Variants in MCC observed in about 807,000 individuals in gnomAD.
The protein encoded by MCC is colorectal mutant cancer protein.
Under a neutral mutation model 116.2 loss-of-function variants are expected in MCC, and 90 were observed. The ratio of observed to expected loss-of-function variants is 0.77; its 90% confidence interval spans 0.65 to 0.92. The LOEUF (loss-of-function observed/expected upper bound fraction) is 0.92. MCC is among the 40% of genes least tolerant of loss of function. The pLI, the probability that MCC is intolerant of heterozygous loss-of-function variation, is 0.00. For synonymous variants in MCC, 578 were observed against 510.5 expected (o/e 1.13, Z -1.78); for missense variants, 1,516 against 1,312.2 (o/e 1.16, Z -2.40).
intron 6 of MCC, among the ~76,000 whole-genome samples, chr5:113,114,100 T>C (rs965903576): frequency 2.6e-5 from 4 of 151,938 alleles, no homozygotes; most frequent in African/African-American, 7.3e-5. Flanking sequence ...AAAAAACGTA[T>C]ACACAAACAC....
intron 3 of MCC, among the ~76,000 whole-genome samples, chr5:113,221,740 A>G (rs1763558551): frequency 6.6e-6 from 1 of 152,080 alleles, no homozygotes; most frequent in Non-Finnish European, 1.5e-5. Context: ...GTCAGCTTCA[A>G]CTCCCTATGA....
intron 1 of MCC, among the ~76,000 whole-genome samples, chr5:113,455,396 A>C (rs1294636257): frequency 6.6e-6 from 1 of 151,108 alleles, no homozygotes; most frequent in Non-Finnish European, 1.5e-5. Flanking sequence ...CACCACCACC[A>C]CCCCACCTGC....
intron 3 of MCC, among the ~76,000 whole-genome samples, chr5:113,188,715 A>T (rs1416026951): frequency 6.6e-6 from 1 of 152,150 alleles, no homozygotes; most frequent in Non-Finnish European, 1.5e-5. Flanking sequence ...TTTAAAGTAG[A>T]TGCTGTTGAT....
intron 16 of MCC, 75 bp from the exon 17 acceptor site, chr5:113,043,705 G>A (rs1160194311): frequency 2.5e-5 from 27 of 1,063,412 alleles, no homozygotes; most frequent in East Asian, 5.0e-5. Flanking sequence ...AGCAGAGCGC[G>A]GTAGGTGGCT....
intron 13 of MCC, among the ~76,000 whole-genome samples, chr5:113,066,997 T>G (rs1172402963): frequency 1.3e-5 from 2 of 152,194 alleles, no homozygotes; most frequent in Non-Finnish European, 2.9e-5. Context: ...TCCTTGGGTC[T>G]CTCTTTCCTC....
chr5:113,106,955 C>G (rs1256393596), intron 6 of MCC, among the ~76,000 whole-genome samples: 7 of 152,174 alleles, frequency 4.6e-5, no homozygotes, highest in Non-Finnish European at 7.3e-5. Context: ...TTACCCATTC[C>G]CTATCTTCTT....
At chr5:113,400,281 C>T (rs1769648874) in intron 1 of MCC, among the ~76,000 whole-genome samples, 1 of 151,908 alleles carries the variant, frequency 6.6e-6, no homozygotes, top group African/African-American at 2.4e-5. Flanking sequence ...CGCCACTATG[C>T]CCAGCTAATT....
rs560413742 is a variant in MCC, at chr5:113,081,437, C to G, written c.1784+1423G>C. ...AAGCTGTTAAACACCATAATAACAT[C>G]AGCTACCAGCAAAATATTTCCCCCT... is the stretch of plus-strand genomic sequence containing the variant. On this transcript the variant is annotated intron_variant, in intron 11 of 18. Transcript: ENST00000408903. 2.0e-5 allele frequency among the ~76,000 whole-genome samples: 3 copies of G among 152,174 alleles called. No individual in the cohort carries two copies. In the East Asian group the frequency reaches 5.8e-4, roughly 29 times the overall value.
chr5:113,466,574 A>T (rs1771915572), intron 1 of MCC, among the ~76,000 whole-genome samples: 1 of 151,984 alleles, frequency 6.6e-6, no homozygotes, highest in Admixed American at 6.6e-5. Flanking sequence ...TTCTTAATCC[A>T]GTCTATCATT....
chr5:113,333,786 T>TGTATATATGTAC (rs1382220722), intron 3 of MCC, among the ~76,000 whole-genome samples: 1 of 91,920 alleles, frequency 1.1e-5, no homozygotes, highest in Non-Finnish European at 2.1e-5. Flanking sequence ...GCTTCATATA[T>TGTATATATGTAC]ATTTATATAT....
intron 1 of MCC, among the ~76,000 whole-genome samples, chr5:113,468,389 GA>G (rs1771976389): frequency 6.6e-6 from 1 of 152,224 alleles, no homozygotes; most frequent in Non-Finnish European, 1.5e-5. Flanking sequence ...TTTTTAGCAT[GA>G]AAGGTTGTTG....
At chr5:113,362,695 C>A (rs1041041458) in intron 2 of MCC, among the ~76,000 whole-genome samples, 1 of 152,048 alleles carries the variant, frequency 6.6e-6, no homozygotes, top group Non-Finnish European at 1.5e-5. Flanking sequence ...ATCTTTCTAA[C>A]AAATTTAATA....
chr5:113,133,016 T>C (rs1758558050), intron 5 of MCC, among the ~76,000 whole-genome samples: 1 of 152,078 alleles, frequency 6.6e-6, no homozygotes, highest in South Asian at 2.1e-4. Flanking sequence ...TTTTTTTTTG[T>C]TTTTACTGAT....
intron 1 of MCC, among the ~76,000 whole-genome samples, chr5:113,473,361 A>C (rs1451719660): frequency 6.6e-6 from 1 of 151,960 alleles, no homozygotes. Flanking sequence ...CCATCTCTAG[A>C]AAAAATGTTT....
intron 1 of MCC, among the ~76,000 whole-genome samples, chr5:113,392,137 G>C (rs1018781981): frequency 6.6e-6 from 1 of 152,020 alleles, no homozygotes; most frequent in Non-Finnish European, 1.5e-5. Flanking sequence ...AGGACGAGAA[G>C]GGAGGATGCC....
At chr5:113,212,137 C>T (rs1561460999) in intron 3 of MCC, among the ~76,000 whole-genome samples, 8 of 152,104 alleles carry the variant, frequency 5.3e-5, no homozygotes, top group Admixed American at 5.2e-4. Flanking sequence ...ACTAACATTC[C>T]ACTAGTTCTC....
intron 1 of MCC, among the ~76,000 whole-genome samples, chr5:113,475,309 A>T (rs1772208533): frequency 6.6e-6 from 1 of 152,236 alleles, no homozygotes; most frequent in Non-Finnish European, 1.5e-5. Flanking sequence ...ACAAGTAAAT[A>T]TTCAACTGAG....
At chr5:113,074,681 A>C (rs1331467469) in intron 11 of MCC, among the ~76,000 whole-genome samples, 1 of 152,244 alleles carries the variant, frequency 6.6e-6, no homozygotes, top group African/African-American at 2.4e-5. Context: ...AACAGTGTAG[A>C]CAAGTCCTTA....
chr5:113,190,669 C>T (rs1376224231), intron 3 of MCC, among the ~76,000 whole-genome samples: 1 of 152,120 alleles, frequency 6.6e-6, no homozygotes, highest in Non-Finnish European at 1.5e-5. Flanking sequence ...GGAGCTAGCA[C>T]AACAATACAG....
Sources: gnomAD v4.1 joint callset for allele counts (sites outside exome capture counted in the v4.1 genomes callset) on GRCh38, gnomAD v4.1.1 for gene constraint, MANE v1.5 for transcripts, NCBI Gene and HGNC (gene_info 2026-07-23, HGNC 2026-07-21) for gene names.